Variants in UNC13C observed in about 807,000 individuals in gnomAD.
The protein encoded by UNC13C is protein unc-13 homolog C.
UNC13C carries 174 observed loss-of-function variants against 245.4 expected under a neutral mutation model. The ratio of observed to expected loss-of-function variants is 0.71; its 90% CI spans 0.63 to 0.80. The LOEUF (loss-of-function observed/expected upper bound fraction) is 0.80, where lower values mean the gene tolerates loss of function less well. Among genes scored for constraint, UNC13C ranks in the 30% least tolerant of loss-of-function variants. The pLI, the probability that UNC13C is intolerant of heterozygous loss-of-function variation, is 0.00. For missense variants in UNC13C, 2,829 were observed against 2,602.9 expected (o/e 1.09, Z -1.89); for synonymous variants, 992 against 895.1 (o/e 1.11, Z -1.93).
intron 4 of UNC13C, among the ~76,000 whole-genome samples, chr15:54,173,495 C>T (rs537556120): frequency 2.1e-4 from 32 of 152,008 alleles, no homozygotes; most frequent in African/African-American, 7.5e-4. Context: ...AAATTTATAT[C>T]TTTAAAATTT....
intron 18 of UNC13C, among the ~76,000 whole-genome samples, chr15:54,401,413 C>T (rs1040175846): frequency 1.3e-5 from 2 of 152,158 alleles, no homozygotes; most frequent in African/African-American, 4.8e-5. Flanking sequence ...CTCCTACACA[C>T]CCTTGTTGAC....
rs1445291097 is a variant in UNC13C, at chr15:54,627,035, T to A, written c.6567T>A (p.Ser2189=). ...ETGLTILRIL[S]QRTSDDVAKE... ...GTTTGACTATCCTTAGAATACTCTC[T>A]CAGAGGACCAGTGATGATGTGGCTA... The change falls in exon 33 of 33, where the codon TCT becomes TCA. Residue 2189 remains serine, a synonymous_variant. Transcript: ENST00000260323. The A allele has an allele frequency of 6.2e-7, 1 of 1,613,326 alleles. No individual in the cohort carries two copies.
intron 10 of UNC13C, among the ~76,000 whole-genome samples, chr15:54,270,000 T>G (rs1334703788): frequency 1.3e-5 from 2 of 152,202 alleles, no homozygotes; most frequent in African/African-American, 4.8e-5. Flanking sequence ...TGTAATTCTT[T>G]TCTATTTGTC....
chr15:53,909,572 T>A, the UNC13C span, among the ~76,000 whole-genome samples: 5 of 146,074 alleles, frequency 3.4e-5, no homozygotes, highest in East Asian at 9.9e-4. Context: ...GCCAACATAG[T>A]GAAACCCCGT....
the UNC13C span, among the ~76,000 whole-genome samples, chr15:53,900,911 A>G: frequency 6.6e-6 from 1 of 152,168 alleles, no homozygotes; most frequent in Non-Finnish European, 1.5e-5. Context: ...TTTAACGTAC[A>G]TTCATTTTTT....
At chr15:54,355,489 T>C in intron 17 of UNC13C, among the ~76,000 whole-genome samples, 1 of 152,140 alleles carries the variant, frequency 6.6e-6, no homozygotes, top group African/African-American at 2.4e-5. Context: ...CTCTAGAAGC[T>C]GGGGCTACAG....
chr15:54,098,647 C>G (rs1900007516), intron 2 of UNC13C, among the ~76,000 whole-genome samples: 1 of 152,048 alleles, frequency 6.6e-6, no homozygotes, highest in South Asian at 2.1e-4. Context: ...ATAAGATAAA[C>G]AGGTCTGTAT....
chr15:54,250,429 G>T lies in UNC13C; in HGVS notation c.3433G>T (p.Ala1145Ser), dbSNP rs777249610. ...CHEKCQDLLN[A>S]DCLQRAAEKS... ...CGAAAAGTGTCAGGACCTGCTAAAC[G>T]CTGACTGCTTGCAGAGTGAGTACTT... The change falls in exon 8 of 33, where the codon GCT becomes TCT. Residue 1145 changes from alanine (A) to serine (S), a missense_variant. Ala to Ser is a moderately conservative substitution (Grantham distance 99). Coordinates refer to ENST00000260323, the MANE Select transcript of UNC13C (RefSeq NM_001080534.3). 5.0e-6 allele frequency: 8 copies of T among 1,609,618 alleles called. No individual in the cohort carries two copies. In the African/African-American group the frequency reaches 1.1e-4, roughly 22 times the overall value.
chr15:54,418,847 A>G (rs1280496432), intron 19 of UNC13C, among the ~76,000 whole-genome samples: 1 of 152,138 alleles, frequency 6.6e-6, no homozygotes, highest in Non-Finnish European at 1.5e-5. Context: ...CATTGAAGGA[A>G]AGCATCAGTG....
the UNC13C span, among the ~76,000 whole-genome samples, chr15:53,972,515 T>A: frequency 4.6e-5 from 7 of 152,344 alleles, no homozygotes; most frequent in South Asian, 1.4e-3. Context: ...GGCAGTTAGG[T>A]GGAAAGGTCT....
In UNC13C at chr15:54,350,387, G is replaced by A. The variant is rs1031774053; in HGVS notation, c.4713+11898G>A. On this transcript the variant is annotated intron_variant, in intron 17 of 32. Coordinates refer to ENST00000260323, the MANE Select transcript of UNC13C (RefSeq NM_001080534.3). ...CACCAAACTCAGTATGTGGTCTTAT[G>A]TAAGTCAAAAGGACATGAAATTGTA... 3.3e-5 allele frequency among the ~76,000 whole-genome samples: 5 copies of A among 152,250 alleles called. No homozygotes were observed. In the East Asian group the frequency reaches 7.7e-4, roughly 24 times the overall value.
intron 24 of UNC13C, among the ~76,000 whole-genome samples, 174 bp from the exon 25 acceptor site, chr15:54,525,375 T>C (rs1895401786): frequency 1.3e-5 from 2 of 149,652 alleles, no homozygotes. Context: ...TTGGTTTCTT[T>C]AAAGTTTCCT....
At position 54,426,824 on chromosome 15, in the gene UNC13C, A is replaced by G. The variant is rs76109523; in HGVS notation, c.4933+11757A>G. On this transcript the variant is annotated intron_variant, in intron 19 of 32. Transcript: ENST00000260323. ...GTACATCAATTTATTCTTCTGAAAA[A>G]TCATATTGTTGTGAGGATTAAATTA... Among the ~76,000 whole-genome samples the G allele has an allele frequency of 2.5e-3, 376 of 151,868 alleles. 2 individuals carry two copies. The highest frequency in any genetic ancestry group is 8.6e-3 in the African/African-American group (357 of 41,496).
intron 8 of UNC13C, among the ~76,000 whole-genome samples, chr15:54,257,033 G>A (rs118106078): frequency 0.025 from 3,732 of 152,296 alleles, 61 homozygotes; most frequent in Non-Finnish European, 0.031. Flanking sequence ...GAACAACACT[G>A]TGAACTAGTT....
At chr15:54,063,452 T>C (rs1319569715) in intron 2 of UNC13C, among the ~76,000 whole-genome samples, 1 of 151,976 alleles carries the variant, frequency 6.6e-6, no homozygotes, top group Non-Finnish European at 1.5e-5. Flanking sequence ...ACCAACTGTT[T>C]CCTTCATTTC....
chr15:54,045,600 G>A (rs1897002840), intron 2 of UNC13C, among the ~76,000 whole-genome samples: 1 of 152,106 alleles, frequency 6.6e-6, no homozygotes, highest in Non-Finnish European at 1.5e-5. Flanking sequence ...CTGATTCTGT[G>A]GTGAGTCATA....
intron 30 of UNC13C, among the ~76,000 whole-genome samples, chr15:54,595,979 A>G (rs1899057301): frequency 6.6e-6 from 1 of 152,198 alleles, no homozygotes; most frequent in Non-Finnish European, 1.5e-5. Flanking sequence ...ACATATGAAA[A>G]TGCCTTTAAG....
At chr15:54,083,529 T>G (rs62012175) in intron 2 of UNC13C, among the ~76,000 whole-genome samples, 30,269 of 152,162 alleles carry the variant, frequency 0.2, 3,152 homozygotes, top group Admixed American at 0.29. Context: ...CAGCCCCCAG[T>G]GGGGAGAACC....
intron 29 of UNC13C, among the ~76,000 whole-genome samples, chr15:54,559,996 T>C (rs1462349486): frequency 6.6e-6 from 1 of 152,012 alleles, no homozygotes; most frequent in African/African-American, 2.4e-5. Flanking sequence ...CATATTATGA[T>C]GTGTAAAAGA....
Sources: allele counts gnomAD v4.1 joint callset (sites outside exome capture counted in the v4.1 genomes callset), GRCh38; gene constraint gnomAD v4.1.1; transcripts MANE v1.5; gene names NCBI Gene and HGNC (gene_info 2026-07-23, HGNC 2026-07-21).